The following SUPT5H variants were observed in gnomAD, a reference collection of about 807,000 sequenced individuals.
SUPT5H encodes the protein SPT5 homolog, DSIF elongation factor subunit.
SUPT5H carries 24 observed loss-of-function variants against 142.5 expected under a neutral mutation model. The ratio of observed to expected loss-of-function variants is 0.17; its 90% CI spans 0.12 to 0.24. SUPT5H has a LOEUF of 0.24. Among genes scored for constraint, SUPT5H ranks in the 10% least tolerant of loss-of-function variants. The pLI, the probability that SUPT5H is intolerant of heterozygous loss-of-function variation, is 1.00. For missense variants in SUPT5H, 893 were observed against 1,471.8 expected, an observed-to-expected ratio of 0.61 and a Z score of 6.43; for synonymous variants, 546 against 553.0, an observed-to-expected ratio of 0.99 and a Z score of 0.18.
intron 2 of SUPT5H, among the ~76,000 whole-genome samples, chr19:39,450,800 C>T (rs1243342163): frequency 1.3e-5 from 2 of 152,124 alleles, no homozygotes; most frequent in Non-Finnish European, 1.5e-5. Context: ...TTGATTGGGT[C>T]ATGAGAAAGT....
At position 39,476,294 on chromosome 19, in the gene SUPT5H, C is replaced by T. The variant is rs531351186; in HGVS notation, c.3159C>T (p.Gly1053=). 27 of 1,614,080 alleles carry T rather than the reference C, an allele frequency of 1.7e-5. No homozygotes were observed. The highest frequency in any genetic ancestry group is 3.3e-4 in the Middle Eastern group (2 of 6,060). The change falls in exon 30 of 30, where the codon GGC becomes GGT. Residue 1053 remains glycine (G), a synonymous_variant. Coordinates refer to ENST00000432763, the MANE Select transcript of SUPT5H (RefSeq NM_001111020.3). The stretch of plus-strand genomic sequence containing the variant: ...TGGGCGAGGATCGGGAAGCCACGGG[C>T]GTCCTACTGAGCATTGATGGTGAGG... ...VILGEDREAT[G]VLLSIDGEDG...
rs45568533 is a variant in SUPT5H, at chr19:39,473,188, T to C, written c.2259-15T>C. 1.2e-6 allele frequency: 2 copies of C among 1,610,834 alleles called. No homozygotes were observed. The highest frequency in any genetic ancestry group is 1.7e-6 in the Non-Finnish European group (2 of 1,179,728). ...AGAGGGGTCTGCTCACCCCATTTGT[T>C]CTCTGCGTCCCCAGGGGCTCACGGC... On this transcript the variant is annotated splice_polypyrimidine_tract_variant and intron_variant, in intron 23 of 29. Transcript: ENST00000432763. The surrounding 1 kb of genome is among the most constrained non-coding windows in gnomAD (Gnocchi z 5.8).
At chr19:39,457,787 T>C (rs1258126083) in intron 4 of SUPT5H, 47 bp downstream of exon 4, 1 of 1,613,566 alleles carries the variant, frequency 6.2e-7, no homozygotes, top group African/African-American at 1.3e-5. Flanking sequence ...AGAGGGTGGC[T>C]GAGAGGGTCT....
Position 39,458,550 on chromosome 19 carries a change from TG to T in SUPT5H, c.319+249del, listed in dbSNP as rs2079121631. 7.6e-6 allele frequency: 6 copies of T among 790,064 alleles called. No individual in the cohort carries two copies. The highest frequency in any genetic ancestry group is 1.7e-5 in the African/African-American group (1 of 58,000). The allele number at this position is 790,064 out of a possible 1,614,324, so 48.9% of individuals were successfully genotyped here. ...TTGTGGGTGGTAGCGATGTGTGGGG[TG>T]GGGTGCAGTCCAGGGTGTGCCTGGA... On this transcript the variant is annotated intron_variant, in intron 5 of 29. Coordinates refer to ENST00000432763, the MANE Select transcript of SUPT5H (RefSeq NM_001111020.3). The surrounding 1 kb of genome is among the most constrained non-coding windows in gnomAD (Gnocchi z 4.2).
At chr19:39,464,166 G>T (rs2079203863) in intron 10 of SUPT5H, among the ~76,000 whole-genome samples, 1 of 149,112 alleles carries the variant, frequency 6.7e-6, no homozygotes, top group South Asian at 2.1e-4. Context: ...GATATTTTTA[G>T]TAGAGACAGG....
intron 10 of SUPT5H, among the ~76,000 whole-genome samples, chr19:39,461,399 G>A (rs2079159288): frequency 6.6e-6 from 1 of 152,006 alleles, no homozygotes; most frequent in African/African-American, 2.4e-5. Flanking sequence ...CAGGGAGGTT[G>A]AAAAGGTACC....
Position 39,458,024 on chromosome 19 carries a change from C to T in SUPT5H, c.308-270C>T. ...GTTGTAGGGTGGGCGAGCTCTGTCC[C>T]AAGATACCCCCCACTTCCTGGGCCA... On this transcript the variant is annotated intron_variant, in intron 4 of 29. Transcript: ENST00000432763. This position sits in a 1 kb window ranked among gnomAD's most constrained non-coding sequence, Gnocchi z 4.2. 2 of 730,328 alleles carry T rather than the reference C, an allele frequency of 2.7e-6. No individual in the cohort carries two copies. The highest frequency in any genetic ancestry group is 2.5e-5 in the Admixed American group (1 of 40,044). 45.2% of individuals were successfully genotyped at this position (730,328 alleles called of 1,614,324 possible).
At position 39,453,337 on chromosome 19, in the gene SUPT5H, C is replaced by A; in HGVS notation, c.76-19C>A. On this transcript the variant is annotated intron_variant, in intron 2 of 29. Transcript: ENST00000432763. Reference sequence around the variant, plus strand: ...GGGTAGCAGAATTCTGGTGCTACAACCCTGCCTGACCCCTGTAGGTAGACG... The same window carrying A: ...GGGTAGCAGAATTCTGGTGCTACAAACCTGCCTGACCCCTGTAGGTAGACG... The A allele has an allele frequency of 6.4e-7, 1 of 1,574,556 alleles. No homozygotes were observed. Among genetic ancestry groups the A allele is most frequent in the South Asian group, 1.1e-5 (1 of 87,216 alleles).
In SUPT5H at chr19:39,476,420, T is replaced by G. The variant is rs757488981; in HGVS notation, c.*21T>G. ...CCTGAAGCAGGCAGGGCCGGTGGAC[T>G]TCGTCGGATGAAGAGTGATCCTCCT... On this transcript the variant is annotated 3_prime_UTR_variant, in exon 30 of 30. Coordinates refer to ENST00000432763, the MANE Select transcript of SUPT5H (RefSeq NM_001111020.3). 17 of 1,613,518 alleles carry G rather than the reference T, an allele frequency of 1.1e-5. No individual in the cohort carries two copies. The South Asian group carries it at 1.9e-4, about 18-fold the overall frequency.
intron 10 of SUPT5H, chr19:39,460,177 T>C: frequency 1.8e-6 from 1 of 567,656 alleles, no homozygotes. Context: ...GGCAGGGTCT[T>C]CCCACCCTTG....
At position 39,474,781 on chromosome 19, in the gene SUPT5H, G is replaced by C. The variant is rs1432131168; in HGVS notation, c.3024+63G>C. ...TCTCCTTGGTACCCCCTAAACTGGA[G>C]ACAGACCTGTCCCCAGATGGTGACA... On this transcript the variant is annotated intron_variant, in intron 28 of 29. Coordinates refer to ENST00000432763, the MANE Select transcript of SUPT5H (RefSeq NM_001111020.3). The surrounding 1 kb of genome is among the most constrained non-coding windows in gnomAD (Gnocchi z 6.5). 2.0e-6 allele frequency: 3 copies of C among 1,523,026 alleles called. No individual in the cohort carries two copies. The highest frequency in any genetic ancestry group is 2.7e-6 in the Non-Finnish European group (3 of 1,124,120). The allele number at this position is 1,523,026 out of a possible 1,614,324, so 94.3% of individuals were successfully genotyped here.
At chr19:39,446,757 C>T (rs1221537942) in intron 2 of SUPT5H, among the ~76,000 whole-genome samples, 2 of 152,208 alleles carry the variant, frequency 1.3e-5, no homozygotes, top group Non-Finnish European at 2.9e-5. Flanking sequence ...CCTGTAATCT[C>T]AGCACTGTGG....
In SUPT5H at chr19:39,469,218, C is replaced by T; in HGVS notation, c.1238-44C>T. ...ACCTGGGCCAAGGAGCAGGGGCGGC[C>T]CATGGTGGCAACCCCCGAGTCAGCC... On this transcript the variant is annotated intron_variant, in intron 15 of 29. Coordinates refer to ENST00000432763, the MANE Select transcript of SUPT5H (RefSeq NM_001111020.3). This position sits in a 1 kb window ranked among gnomAD's most constrained non-coding sequence, Gnocchi z 5.1. The T allele has an allele frequency of 1.9e-6, 3 of 1,614,148 alleles. No individual in the cohort carries two copies. The highest frequency in any genetic ancestry group is 2.5e-6 in the Non-Finnish European group (3 of 1,179,998).
At chr19:39,456,599 A>G (rs113572255) in intron 3 of SUPT5H, among the ~76,000 whole-genome samples, 2,222 of 151,678 alleles carry the variant, frequency 0.015, 45 homozygotes, top group African/African-American at 0.052. Context: ...TTGTATTTTT[A>G]GTAGAGACGG....
In SUPT5H at chr19:39,473,210, C is replaced by T. The variant is rs746429892; in HGVS notation, c.2266C>T (p.Arg756Trp). The change falls in exon 24 of 30, where the codon CGG becomes TGG. Residue 756 changes from arginine (R) to tryptophan (W), a missense_variant. Transcript: ENST00000432763. This position sits in a 1 kb window ranked among gnomAD's most constrained non-coding sequence, Gnocchi z 5.8. ...DRQRLTTVGSRRPGGMTSTYG... is the reference protein window; with the variant it reads ...DRQRLTTVGSWRPGGMTSTYG... ...TGTTCTCTGCGTCCCCAGGGGCTCA[C>T]GGCGCCCGGGCGGCATGACCTCGAC... 1.9e-5 allele frequency: 31 copies of T among 1,612,284 alleles called. No individual in the cohort carries two copies. The highest frequency in any genetic ancestry group is 2.4e-5 in the Non-Finnish European group (28 of 1,179,944).
chr19:39,455,843 G>A (rs1225829715), intron 3 of SUPT5H, among the ~76,000 whole-genome samples: 2 of 149,948 alleles, frequency 1.3e-5, no homozygotes, highest in South Asian at 2.1e-4. Context: ...GGCTGGTCTC[G>A]AACTCCTGAC....
At position 39,466,522 on chromosome 19, in the gene SUPT5H, A is replaced by T. The variant is rs752971588; in HGVS notation, c.919A>T (p.Met307Leu). The T allele has an allele frequency of 1.2e-6, 2 of 1,614,100 alleles. No individual in the cohort carries two copies. The highest frequency in any genetic ancestry group is 3.3e-5 in the Admixed American group (2 of 60,004). The change falls in exon 12 of 30, where the codon ATG becomes TTG. Residue 307 changes from methionine to leucine, a missense_variant. By Grantham distance (15) the Met-to-Leu change is conservative. Transcript: ENST00000432763. The surrounding 1 kb of genome is among the most constrained non-coding windows in gnomAD (Gnocchi z 4.3). ...CAGCCAGAACACCATCTCCCTGAAGATGATCCCACGCATCGACTACGATCG... is the reference window on the plus strand; with the variant it reads ...CAGCCAGAACACCATCTCCCTGAAGTTGATCCCACGCATCGACTACGATCG... Reference protein sequence around the residue: ...EPSQNTISLKMIPRIDYDRIK... With the variant: ...EPSQNTISLKLIPRIDYDRIK...
intron 2 of SUPT5H, 21 bp downstream of exon 2, chr19:39,445,986 G>GGGAGA: frequency 6.2e-7 from 1 of 1,607,360 alleles, no homozygotes; most frequent in Non-Finnish European, 8.5e-7. Context: ...GGGGCGCTGG[G>GGGAGA]GGAGACATTG....
chr19:39,453,967 G>A (rs1402990797), intron 3 of SUPT5H, among the ~76,000 whole-genome samples: 1 of 152,170 alleles, frequency 6.6e-6, no homozygotes, highest in African/African-American at 2.4e-5. Context: ...GGATTCCAAA[G>A]AGGACAATTT....
Sources: allele counts gnomAD v4.1 joint callset (sites outside exome capture counted in the v4.1 genomes callset), GRCh38; gene constraint gnomAD v4.1.1; non-coding constraint Gnocchi (gnomAD v3.1); transcripts MANE v1.5; gene names NCBI Gene and HGNC (gene_info 2026-07-23, HGNC 2026-07-21).